RSU1: variants seen among roughly 807,000 people sequenced by gnomAD.
RSU1 encodes the protein Ras suppressor protein 1.
Under a neutral mutation model 31.1 loss-of-function variants are expected in RSU1, and 26 were observed. That is an observed-to-expected ratio of 0.84 (90% CI 0.61 to 1.16). The LOEUF (loss-of-function observed/expected upper bound fraction) is 1.16. RSU1 is among the 50% of genes most tolerant of loss of function. RSU1 has a pLI of 0.00. For synonymous variants in RSU1, 164 were observed against 136.3 expected (o/e 1.20, Z -1.41); for missense variants, 320 against 339.1 (o/e 0.94, Z 0.44).
chr10:16,740,147 T>C (rs1281541767), intron 7 of RSU1, among the ~76,000 whole-genome samples: 2 of 152,006 alleles, frequency 1.3e-5, no homozygotes, highest in East Asian at 3.9e-4. Flanking sequence ...ACAAAGATAC[T>C]ATAATACCAG....
At chr10:16,749,532 A>G (rs182371650) in intron 7 of RSU1, among the ~76,000 whole-genome samples, 24 of 152,326 alleles carry the variant, frequency 1.6e-4, no homozygotes, top group African/African-American at 5.5e-4. Flanking sequence ...AACCTGCAGC[A>G]TAAGCTTCAT....
At chr10:16,792,613 G>A (rs1022898713) in intron 2 of RSU1, among the ~76,000 whole-genome samples, 2 of 152,172 alleles carry the variant, frequency 1.3e-5, no homozygotes, top group African/African-American at 4.8e-5. Flanking sequence ...AAAGGAGTCT[G>A]CCTTGTTTTA....
chr10:16,654,446 G>T (rs1292056918), intron 8 of RSU1, among the ~76,000 whole-genome samples: 1 of 150,890 alleles, frequency 6.6e-6, no homozygotes, highest in Admixed American at 6.6e-5. Flanking sequence ...GAGGTGGGTG[G>T]ATCACTTGAG....
In RSU1 at chr10:16,591,536, C is replaced by T. The variant is rs546660716; in HGVS notation, c.*1858G>A. 18 of 152,304 alleles carry T rather than the reference C, an allele frequency of 1.2e-4. No homozygotes were observed. Among genetic ancestry groups the T allele is most frequent in the Admixed American group, 1.0e-3 (16 of 15,292 alleles). 9.4% of individuals were successfully genotyped at this position (152,304 alleles called of 1,614,324 possible). ...TTTATTTCATGTTACTCCTCTTGCA[C>T]TTAATACTGCCTTAAAAAATATTTG... On this transcript the variant is annotated 3_prime_UTR_variant, in exon 9 of 9. Coordinates refer to ENST00000345264, the MANE Select transcript of RSU1 (RefSeq NM_012425.4).
intron 8 of RSU1, among the ~76,000 whole-genome samples, chr10:16,638,558 T>A (rs550528716): frequency 2.0e-5 from 3 of 152,302 alleles, no homozygotes; most frequent in East Asian, 3.9e-4. Flanking sequence ...CAAGGTGTCC[T>A]CACAGGGGGC....
At chr10:16,766,760 T>C (rs555074546) in intron 3 of RSU1, among the ~76,000 whole-genome samples, 2 of 151,506 alleles carry the variant, frequency 1.3e-5, no homozygotes, top group East Asian at 3.9e-4. Flanking sequence ...ACTCCTGTGA[T>C]CCCAGCACTT....
chr10:16,712,731 T>C (rs769671869), intron 7 of RSU1, among the ~76,000 whole-genome samples: 41 of 152,214 alleles, frequency 2.7e-4, no homozygotes, highest in Non-Finnish European at 5.1e-4. Flanking sequence ...TACTAGAGGA[T>C]TGAGAGATTT....
intron 2 of RSU1, among the ~76,000 whole-genome samples, chr10:16,784,014 C>T (rs945633779): frequency 1.3e-5 from 2 of 152,124 alleles, no homozygotes; most frequent in African/African-American, 4.8e-5. Flanking sequence ...TTTCTCTTTC[C>T]TTGACTTTCG....
intron 8 of RSU1, among the ~76,000 whole-genome samples, chr10:16,608,227 A>C (rs1283600508): frequency 1.3e-5 from 2 of 152,198 alleles, no homozygotes; most frequent in South Asian, 2.1e-4. Context: ...TATGGAGCAG[A>C]CCAGGTGTGG....
intron 7 of RSU1, among the ~76,000 whole-genome samples, chr10:16,727,858 T>C (rs1482619150): frequency 6.6e-6 from 1 of 152,170 alleles, no homozygotes; most frequent in Non-Finnish European, 1.5e-5. Flanking sequence ...ACCATACCGC[T>C]GCCAGGCTGT....
At chr10:16,648,662 A>G (rs1202478324) in intron 8 of RSU1, among the ~76,000 whole-genome samples, 2 of 152,200 alleles carry the variant, frequency 1.3e-5, no homozygotes, top group East Asian at 1.9e-4. Context: ...ATTATTCACT[A>G]TTCTACTTGA....
intron 7 of RSU1, among the ~76,000 whole-genome samples, chr10:16,747,551 T>C (rs971579637): frequency 5.9e-5 from 9 of 152,150 alleles, no homozygotes; most frequent in African/African-American, 2.2e-4. Context: ...TTCCTGTTAG[T>C]TTTGCCTTGG....
chr10:16,743,506 T>C (rs1407264727), intron 7 of RSU1, among the ~76,000 whole-genome samples: 1 of 152,218 alleles, frequency 6.6e-6, no homozygotes, highest in Non-Finnish European at 1.5e-5. Flanking sequence ...ATGTCTGTAA[T>C]TATATCTAGC....
At chr10:16,802,235 GA>G (rs1479527333) in intron 2 of RSU1, among the ~76,000 whole-genome samples, 1 of 148,082 alleles carries the variant, frequency 6.8e-6, no homozygotes, top group Admixed American at 6.7e-5. Context: ...AGAAATGAAA[GA>G]AGGGCCATTA....
At chr10:16,726,279 T>G (rs1458477007) in intron 7 of RSU1, among the ~76,000 whole-genome samples, 1 of 150,336 alleles carries the variant, frequency 6.7e-6, no homozygotes, top group Non-Finnish European at 1.5e-5. Flanking sequence ...TTTTTTTTTT[T>G]TTTTTTTGAG....
chr10:16,694,857 G>A (rs1184399887), intron 8 of RSU1, among the ~76,000 whole-genome samples, 166 bp downstream of exon 8: 1 of 152,156 alleles, frequency 6.6e-6, no homozygotes, highest in Non-Finnish European at 1.5e-5. Flanking sequence ...GATTACAGCT[G>A]TGAGCCACAC....
intron 8 of RSU1, among the ~76,000 whole-genome samples, chr10:16,663,164 C>G (rs759188219): frequency 6.6e-6 from 1 of 152,116 alleles, no homozygotes; most frequent in Non-Finnish European, 1.5e-5. Flanking sequence ...CCATGAGAGC[C>G]TGGCAGACAT....
rs759133204 is a variant in RSU1 at position 16,752,625 on chromosome 10, G to A, written c.512C>T (p.Ser171Leu). 4.3e-6 allele frequency: 7 copies of A among 1,614,040 alleles called. No homozygotes were observed. The highest frequency in any genetic ancestry group is 2.2e-5 in the East Asian group (1 of 44,884). The change falls in exon 7 of 9, where the codon TCG becomes TTG. Residue 171 changes from serine (S) to leucine (L), a missense_variant. Coordinates refer to ENST00000345264, the MANE Select transcript of RSU1 (RefSeq NM_012425.4). ...AAGCTCCCCGATTTCCTTAGGCAGC[G>A]AGATCAGGTCGTTATCCCTAAGGCT... ...ILSLRDNDLI[S>L]LPKEIGELTQ... is the part of the protein sequence containing the mutation.
intron 7 of RSU1, 64 bp from the exon 8 acceptor site, chr10:16,695,219 C>T: frequency 6.7e-7 from 1 of 1,489,512 alleles, no homozygotes; most frequent in South Asian, 1.3e-5. Context: ...CTAAGAAGTC[C>T]TTCTCAGTAA....
Sources: allele counts gnomAD v4.1 joint callset (sites outside exome capture counted in the v4.1 genomes callset), GRCh38; gene constraint gnomAD v4.1.1; transcripts MANE v1.5; gene names NCBI Gene and HGNC (gene_info 2026-07-23, HGNC 2026-07-21).